Variants in BHMT observed in about 807,000 individuals in gnomAD.
BHMT encodes the protein betaine--homocysteine S-methyltransferase.
BHMT carries 38 observed loss-of-function variants against 49.5 expected under a neutral mutation model. The ratio of observed to expected loss-of-function variants is 0.77; its 90% CI spans 0.59 to 1.01. BHMT has a LOEUF of 1.01. Among genes scored for constraint, BHMT ranks in the 50% least tolerant of loss-of-function variants. BHMT has a pLI of 0.00. For missense variants in BHMT, 426 were observed against 495.7 expected (o/e 0.86, Z 1.34); for synonymous variants, 166 against 176.3 (o/e 0.94, Z 0.46).
At position 79,111,832 on chromosome 5, in the gene BHMT, G is replaced by A. The variant is rs1453804791; in HGVS notation, c.-54G>A. Reference sequence around the variant, plus strand: ...GCAGCTCGGGGCTGCGCAGCGGGAAGGCTCGCCTAGTCGGTCCGCATCCGT... The same window carrying A: ...GCAGCTCGGGGCTGCGCAGCGGGAAAGCTCGCCTAGTCGGTCCGCATCCGT... On this transcript the variant is annotated 5_prime_UTR_variant, in exon 1 of 8. Transcript: ENST00000274353. 4 of 1,607,700 alleles carry A rather than the reference G, an allele frequency of 2.5e-6. No individual in the cohort carries two copies. In the East Asian group the frequency reaches 9.0e-5, roughly 36 times the overall value.
intron 7 of BHMT, 88 bp from the exon 8 acceptor site, chr5:79,130,845 T>G: frequency 8.4e-7 from 1 of 1,188,500 alleles, no homozygotes; most frequent in Non-Finnish European, 1.1e-6. Context: ...ATTTAAAATA[T>G]TATATAATTT....
At chr5:79,119,471 A>G (rs1756434376) in intron 3 of BHMT, 94 bp downstream of exon 3, 4 of 944,890 alleles carry the variant, frequency 4.2e-6, no homozygotes, top group East Asian at 5.1e-5. Flanking sequence ...ACCTCTTCAG[A>G]GTTTTGTTTT....
At chr5:79,129,279 G>T (rs989745433) in intron 7 of BHMT, among the ~76,000 whole-genome samples, 7 of 152,224 alleles carry the variant, frequency 4.6e-5, no homozygotes, top group African/African-American at 1.7e-4. Context: ...GGTGTGCAGG[G>T]TCTGAGCTAA....
rs1243661909 is a variant in BHMT, at chr5:79,115,756, T to C, written c.34-11T>C. On this transcript the variant is annotated splice_polypyrimidine_tract_variant and intron_variant, in intron 1 of 7. Coordinates refer to ENST00000274353, the MANE Select transcript of BHMT (RefSeq NM_001713.3). ...AAGTAACTCCTTTTCCTCCCTCATC[T>C]GTAATTTTAGGGCATCCTAGAACGT... The C allele has an allele frequency of 1.0e-5, 16 of 1,585,906 alleles. No individual in the cohort carries two copies. The highest frequency in any genetic ancestry group is 1.4e-5 in the African/African-American group (1 of 73,818).
chr5:79,123,024 A>G (rs1382693098), intron 5 of BHMT, among the ~76,000 whole-genome samples: 1 of 152,196 alleles, frequency 6.6e-6, no homozygotes, highest in Non-Finnish European at 1.5e-5. Context: ...ACATTTTTAA[A>G]AAGAATATTA....
chr5:79,120,730 T>C (rs531443368), intron 4 of BHMT, among the ~76,000 whole-genome samples, 189 bp downstream of exon 4: 2 of 152,384 alleles, frequency 1.3e-5, no homozygotes, highest in East Asian at 3.8e-4. Flanking sequence ...ATGGTGTTTT[T>C]CAAACTTTTT....
In BHMT at chr5:79,127,892, C is replaced by A. The variant is rs768405577; in HGVS notation, c.946C>A (p.Pro316Thr). The A allele has an allele frequency of 4.3e-6, 7 of 1,614,042 alleles. No homozygotes were observed. The highest frequency in any genetic ancestry group is 4.2e-6 in the Non-Finnish European group (5 of 1,180,004). Residue 316 changes from proline (P) to threonine (T), a missense_variant, in exon 7 of 8, where the codon CCA (proline) becomes ACA (threonine). Around this residue, in one of 3 missense-constraint regions of BHMT, gnomAD observed 32 missense variants for 71.6 expected, o/e 0.45. Transcript: ENST00000274353. ...CAGGGCAATTGCAGAGGAGCTGGCCCCAGAAAGGGGCTTTTTGCCACCAGC... is the reference window on the plus strand; with the variant it reads ...CAGGGCAATTGCAGAGGAGCTGGCCACAGAAAGGGGCTTTTTGCCACCAGC... ...HIRAIAEELA[P>T]ERGFLPPASE...
At position 79,121,159 on chromosome 5, in the gene BHMT, A is replaced by G. The variant is rs1756463770; in HGVS notation, c.478-59A>G. 9 of 1,584,804 alleles carry G rather than the reference A, an allele frequency of 5.7e-6. No homozygotes were observed. The East Asian group carries it at 2.0e-4, about 36-fold the overall frequency. On this transcript the variant is annotated intron_variant, in intron 4 of 7. Transcript: ENST00000274353. ...GAGCAAAACTCCGTCTCAAAAAAAA[A>G]AAAAAAATTGTTTTGGGAGAAACGA... is the stretch of plus-strand genomic sequence containing the variant.
At chr5:79,123,227 T>C (rs1217202001) in intron 5 of BHMT, among the ~76,000 whole-genome samples, 2 of 152,058 alleles carry the variant, frequency 1.3e-5, no homozygotes, top group Non-Finnish European at 1.5e-5. Context: ...GTTGAGGTCA[T>C]TGGTAACCTT....
chr5:79,126,629 T>C (rs1457398739), intron 6 of BHMT, among the ~76,000 whole-genome samples: 1 of 152,180 alleles, frequency 6.6e-6, no homozygotes, highest in Non-Finnish European at 1.5e-5. Context: ...AAATTCTTTA[T>C]TGGGAAAATA....
chr5:79,121,684 G>A (rs576696447), intron 5 of BHMT, among the ~76,000 whole-genome samples: 34 of 151,480 alleles, frequency 2.2e-4, no homozygotes, highest in African/African-American at 7.0e-4. Context: ...GACTGGTGGC[G>A]GGCGCCTGTA....
chr5:79,127,173 C>T (rs771669311), intron 6 of BHMT, among the ~76,000 whole-genome samples: 13 of 152,068 alleles, frequency 8.5e-5, no homozygotes, highest in Admixed American at 3.3e-4. Context: ...GGTTGGAGTC[C>T]GGATATTTGC....
Position 79,126,042 on chromosome 5 carries a change from A to G in BHMT, c.626-4A>G. 1 of 1,593,940 alleles carries G rather than the reference A, an allele frequency of 6.3e-7. No homozygotes were observed. The highest frequency in any genetic ancestry group is 8.6e-7 in the Non-Finnish European group (1 of 1,163,380). ...TAAGTCTATCATGTTCTTCCCACTC[A>G]CAGGAGCATCCATCATTGGTGTGAA... is the stretch of plus-strand genomic sequence containing the variant. On this transcript the variant is annotated splice_region_variant and splice_polypyrimidine_tract_variant and intron_variant, in intron 5 of 7. Transcript: ENST00000274353.
At chr5:79,117,284 G>A in intron 2 of BHMT, among the ~76,000 whole-genome samples, 1 of 152,128 alleles carries the variant, frequency 6.6e-6, no homozygotes, top group Non-Finnish European at 1.5e-5. Context: ...CAAGGACCAT[G>A]TGAGTGGACT....
intron 7 of BHMT, among the ~76,000 whole-genome samples, chr5:79,128,788 G>A (rs1395326779): frequency 6.6e-6 from 1 of 151,974 alleles, no homozygotes; most frequent in African/African-American, 2.4e-5. Flanking sequence ...TGGGGAAGAT[G>A]AATAATACAC....
chr5:79,114,740 C>T (rs1478182362), intron 1 of BHMT, among the ~76,000 whole-genome samples: 1 of 152,050 alleles, frequency 6.6e-6, no homozygotes, highest in Non-Finnish European at 1.5e-5. Flanking sequence ...TCTGGAAAAC[C>T]ATGTATAAAT....
rs369468192 is a variant in BHMT at position 79,112,080 on chromosome 5, T to A, written c.33+162T>A. On this transcript the variant is annotated intron_variant, in intron 1 of 7. Coordinates refer to ENST00000274353, the MANE Select transcript of BHMT (RefSeq NM_001713.3). The stretch of plus-strand genomic sequence containing the variant: ...CAGACCAGAATGTGCTTCCAGAACT[T>A]CTCCAGCAGGACCCCAAGGCGCCTC... Among the ~76,000 whole-genome samples, 858 of 151,992 alleles carry A rather than the reference T, an allele frequency of 5.6e-3. 5 individuals carry two copies. The highest frequency in any genetic ancestry group is 0.011 in the African/African-American group (448 of 41,468).
intron 3 of BHMT, 162 bp downstream of exon 3, chr5:79,119,539 G>A (rs1458288566): frequency 2.0e-6 from 1 of 494,916 alleles, no homozygotes; most frequent in South Asian, 4.0e-5. Flanking sequence ...TTATTTAGCT[G>A]GAATCCCCAA....
At position 79,126,084 on chromosome 5, in the gene BHMT, A is replaced by G; in HGVS notation, c.664A>G (p.Thr222Ala). The G allele has an allele frequency of 6.2e-7, 1 of 1,610,876 alleles. No homozygotes were observed. The highest frequency in any genetic ancestry group is 8.5e-7 in the Non-Finnish European group (1 of 1,177,304). Residue 222 changes from threonine (T) to alanine (A), a missense_variant, in exon 6 of 8, where the codon ACC becomes GCC. Physicochemically the swap from Thr to Ala is moderately conservative, Grantham distance 58. This residue lies in a region of BHMT where 321 missense variants were observed against 355.9 expected (regional missense o/e 0.90). Transcript: ENST00000274353. Reference protein sequence around the residue: ...IIGVNCHFDPTISLKTVKLMK... With the variant: ...IIGVNCHFDPAISLKTVKLMK... ...TGGTGTGAACTGCCACTTTGACCCC[A>G]CCATTAGTTTAAAAACAGTGAAGCT...
Sources: allele counts gnomAD v4.1 joint callset (sites outside exome capture counted in the v4.1 genomes callset), GRCh38; gene constraint gnomAD v4.1.1; regional missense constraint gnomAD v4.1.1; transcripts MANE v1.5; gene names NCBI Gene and HGNC (gene_info 2026-07-23, HGNC 2026-07-21).